Variants in LIN28B observed in about 807,000 individuals in gnomAD.
LIN28B encodes the protein lin-28 RNA binding posttranscriptional regulator B, also known as protein lin-28 homolog B.
A neutral mutation model predicts 21.9 loss-of-function variants in LIN28B; 5 were observed. The ratio of observed to expected loss-of-function variants is 0.23; its 90% confidence interval spans 0.12 to 0.48. The LOEUF (loss-of-function observed/expected upper bound fraction) is 0.48, where lower values mean the gene tolerates loss of function less well. LIN28B is among the 20% of genes least tolerant of loss of function. The probability of loss-of-function intolerance (pLI) is 0.98; values close to 1 mark genes in which losing one functional copy is unlikely to be tolerated. For synonymous variants in LIN28B, 109 were observed against 111.3 expected (o/e 0.98, Z 0.13); for missense variants, 245 against 310.5 (o/e 0.79, Z 1.58).
At chr6:104,956,755 G>A (rs530977761), upstream of LIN28B, among the ~76,000 whole-genome samples, 38 of 152,272 alleles carry the variant, frequency 2.5e-4, no homozygotes, top group African/African-American at 8.2e-4. Context: ...CCCCTCCCAT[G>A]ATTTTAGTCA....
At chr6:105,004,937 T>A (rs571336698) in intron 2 of LIN28B, among the ~76,000 whole-genome samples, 2 of 152,326 alleles carry the variant, frequency 1.3e-5, no homozygotes, top group South Asian at 4.1e-4. Flanking sequence ...TAGTTTCATC[T>A]TGGAGAATTT....
At chr6:105,055,387 T>C (rs185986074) in intron 3 of LIN28B, among the ~76,000 whole-genome samples, 1 of 152,280 alleles carries the variant, frequency 6.6e-6, no homozygotes, top group Admixed American at 6.5e-5. Flanking sequence ...TCAGGGTTTC[T>C]AAAGCAGTTG....
At chr6:105,039,583 A>T (rs1771590975) in intron 3 of LIN28B, among the ~76,000 whole-genome samples, 1 of 152,108 alleles carries the variant, frequency 6.6e-6, no homozygotes, top group Admixed American at 6.5e-5. Context: ...CAAAAATGTG[A>T]AAACATGATA....
chr6:104,980,454 C>T (rs968392465), intron 2 of LIN28B, among the ~76,000 whole-genome samples: 2 of 152,062 alleles, frequency 1.3e-5, no homozygotes, highest in Non-Finnish European at 2.9e-5. Context: ...ACATGGAGTT[C>T]CCAGGAGGCC....
intron 2 of LIN28B, among the ~76,000 whole-genome samples, chr6:105,023,351 A>G (rs1399110901): frequency 1.5e-4 from 1 of 6,480 alleles, no homozygotes; most frequent in Non-Finnish European, 2.7e-4. Flanking sequence ...TATATAATAT[A>G]TATAATTATA....
intron 2 of LIN28B, among the ~76,000 whole-genome samples, chr6:104,993,082 CTG>C (rs1460078366): frequency 6.6e-6 from 1 of 152,042 alleles, no homozygotes; most frequent in Non-Finnish European, 1.5e-5. Flanking sequence ...GATTATTAAA[CTG>C]TTTTTTTATC....
upstream of LIN28B, among the ~76,000 whole-genome samples, chr6:104,956,402 A>G (rs1310886903): frequency 3.9e-5 from 6 of 152,202 alleles, no homozygotes; most frequent in Non-Finnish European, 8.8e-5. Flanking sequence ...ACAATTCCTT[A>G]CCAACCCCCT....
intron 2 of LIN28B, among the ~76,000 whole-genome samples, chr6:104,960,395 A>C (rs1363978578): frequency 6.6e-6 from 1 of 152,124 alleles, no homozygotes; most frequent in East Asian, 1.9e-4. Context: ...AATTTTAAAA[A>C]ACATTTTTAT....
At chr6:105,005,418 T>C (rs1365074120) in intron 2 of LIN28B, among the ~76,000 whole-genome samples, 1 of 152,204 alleles carries the variant, frequency 6.6e-6, no homozygotes, top group Non-Finnish European at 1.5e-5. Context: ...TTCTTAGTTC[T>C]CTTTTTCTGT....
chr6:105,070,576 A>C (rs1180298732), intron 3 of LIN28B, among the ~76,000 whole-genome samples: 6 of 140,390 alleles, frequency 4.3e-5, no homozygotes, highest in African/African-American at 1.1e-4. Context: ...GCAAAACTCT[A>C]TCTCTATCAA....
At chr6:104,947,867 T>C (rs1778175306) in intron 2 of LIN28B, among the ~76,000 whole-genome samples, 2 of 150,562 alleles carry the variant, frequency 1.3e-5, no homozygotes, top group South Asian at 4.2e-4. Context: ...GAATACAAAA[T>C]AATGCCAGAA....
chr6:104,937,899 A>G (rs1162245469), intron 2 of LIN28B, among the ~76,000 whole-genome samples: 2 of 152,116 alleles, frequency 1.3e-5, no homozygotes, highest in African/African-American at 2.4e-5. Flanking sequence ...CTCTTTGGGA[A>G]TAATTATTAG....
chr6:105,023,302 T>TAC (rs1771180486), intron 2 of LIN28B, among the ~76,000 whole-genome samples: 2 of 31,984 alleles, frequency 6.3e-5, no homozygotes, highest in Non-Finnish European at 1.1e-4. Context: ...TATATATTTA[T>TAC]ATATAATTAT....
At chr6:105,055,631 C>G (rs2114393084) in intron 3 of LIN28B, among the ~76,000 whole-genome samples, 1 of 152,218 alleles carries the variant, frequency 6.6e-6, no homozygotes, top group East Asian at 1.9e-4. Flanking sequence ...TCCTTATAAT[C>G]TGCTTTTTAA....
At chr6:104,979,674 A>G (rs1770181168) in intron 2 of LIN28B, among the ~76,000 whole-genome samples, 1 of 152,154 alleles carries the variant, frequency 6.6e-6, no homozygotes. Context: ...TTAACTTTCA[A>G]TTTTCTTTGT....
chr6:104,994,160 A>G (rs1770551842), intron 2 of LIN28B, among the ~76,000 whole-genome samples: 1 of 151,802 alleles, frequency 6.6e-6, no homozygotes, highest in African/African-American at 2.4e-5. Context: ...GTGTGCCACC[A>G]CACCCGGCTA....
intron 3 of LIN28B, among the ~76,000 whole-genome samples, chr6:105,070,971 G>A (rs767051925): frequency 1.8e-4 from 27 of 152,120 alleles, no homozygotes; most frequent in Admixed American, 2.6e-4. Flanking sequence ...CTGCCTCCTG[G>A]GTTCAAGCAA....
intron 3 of LIN28B, among the ~76,000 whole-genome samples, chr6:105,053,832 A>T (rs1333159261): frequency 1.3e-5 from 2 of 151,988 alleles, no homozygotes; most frequent in Non-Finnish European, 2.9e-5. Flanking sequence ...TCCCGGGTTC[A>T]AGTAATTCTC....
intron 2 of LIN28B, among the ~76,000 whole-genome samples, chr6:105,007,849 G>A (rs1248238946): frequency 2.0e-5 from 3 of 152,010 alleles, no homozygotes; most frequent in African/African-American, 7.3e-5. Flanking sequence ...TCACTGTGTT[G>A]CCCAGGCTGG....
Sources: allele counts gnomAD v4.1 joint callset (sites outside exome capture counted in the v4.1 genomes callset), GRCh38; gene constraint gnomAD v4.1.1; transcripts MANE v1.5; gene names NCBI Gene and HGNC (gene_info 2026-07-23, HGNC 2026-07-21).